ANKRD11: variants seen among roughly 807,000 people sequenced by gnomAD.
The protein encoded by ANKRD11 is ankyrin repeat domain 11.
In ANKRD11, 17 loss-of-function variants were observed where a neutral mutation model predicts 195.7. That is an observed-to-expected ratio of 0.09 (90% CI 0.06 to 0.13). The LOEUF (loss-of-function observed/expected upper bound fraction) is 0.13. ANKRD11 is among the 10% of genes least tolerant of loss of function. The pLI, the probability that ANKRD11 is intolerant of heterozygous loss-of-function variation, is 1.00. For missense variants in ANKRD11, 3,735 were observed against 3,566.1 expected (o/e 1.05, Z -1.21); for synonymous variants, 1,953 against 1,528.1 (o/e 1.28, Z -6.49).
intron 1 of ANKRD11, among the ~76,000 whole-genome samples, chr16:89,452,492 T>C (rs1322810069): frequency 1.3e-5 from 2 of 151,988 alleles, no homozygotes; most frequent in East Asian, 3.9e-4. Flanking sequence ...AGGACACAGC[T>C]GTTTACTTTT....
Position 89,275,200 on chromosome 16 carries a change from A to G in ANKRD11, c.7471-9T>C, listed in dbSNP as rs752186603. 5 of 1,600,792 alleles carry G rather than the reference A, an allele frequency of 3.1e-6. No individual in the cohort carries two copies. Among genetic ancestry groups the G allele is most frequent in the Non-Finnish European group, 4.3e-6 (5 of 1,174,258 alleles). ...GAGGGAGGGGGTGCGATCTACAGGC[A>G]AAAGGTGAGTGTGGGGGGTCAGCTG... is the stretch of plus-strand genomic sequence containing the variant. On this transcript the variant is annotated splice_polypyrimidine_tract_variant and intron_variant, in intron 9 of 12. Transcript: ENST00000301030.
At chr16:89,435,657 C>T (rs534189752) in intron 1 of ANKRD11, among the ~76,000 whole-genome samples, 5 of 152,010 alleles carry the variant, frequency 3.3e-5, no homozygotes, top group Non-Finnish European at 7.4e-5. Context: ...TCAGCGAGAC[C>T]GAGAACCCAC....
At chr16:89,325,357 G>C (rs1447709774) in intron 2 of ANKRD11, among the ~76,000 whole-genome samples, 1 of 152,078 alleles carries the variant, frequency 6.6e-6, no homozygotes, top group Non-Finnish European at 1.5e-5. Context: ...AGGATCACTT[G>C]AGCCCAGGAG....
chr16:89,293,516 A>G (rs373957803), intron 4 of ANKRD11, among the ~76,000 whole-genome samples: 7 of 125,190 alleles, frequency 5.6e-5, no homozygotes, highest in African/African-American at 1.9e-4. Context: ...CTGCAGAGCG[A>G]GGAGGCGGGG....
At position 89,282,660 on chromosome 16, in the gene ANKRD11, T is replaced by C. The variant is rs767436886; in HGVS notation, c.3882A>G (p.Glu1294=). Residue 1294 remains glutamate (E), a synonymous_variant, in exon 9 of 13, where the codon GAA becomes GAG. Transcript: ENST00000301030. ...LEEEALHEYR[E]DSNDKISEVS... ...CCTCGCTGATTTTATCGTTGGAGTC[T>C]TCTCTGTACTCATGGAGAGCCTCTT... 7 of 1,614,012 alleles carry C rather than the reference T, an allele frequency of 4.3e-6. No individual in the cohort carries two copies. The highest frequency in any genetic ancestry group is 5.9e-6 in the Non-Finnish European group (7 of 1,180,044).
At chr16:89,409,645 T>G (rs1460087817) in intron 2 of ANKRD11, among the ~76,000 whole-genome samples, 1 of 152,152 alleles carries the variant, frequency 6.6e-6, no homozygotes, top group African/African-American at 2.4e-5. Context: ...AAGATCCTGT[T>G]GTACCAAAAC....
intron 1 of ANKRD11, among the ~76,000 whole-genome samples, chr16:89,489,904 C>G (rs2057760626): frequency 1.4e-5 from 2 of 147,478 alleles, no homozygotes; most frequent in African/African-American, 5.0e-5. Context: ...CACCCAGGCC[C>G]GCCCGGAGCC....
At chr16:89,462,243 C>T (rs531754834) in intron 1 of ANKRD11, among the ~76,000 whole-genome samples, 5 of 152,364 alleles carry the variant, frequency 3.3e-5, no homozygotes, top group Admixed American at 3.3e-4. Context: ...CCACGCCTGA[C>T]TGGTTTTGGT....
chr16:89,424,204 C>CTT (rs1467439162), intron 1 of ANKRD11, among the ~76,000 whole-genome samples: 1 of 152,182 alleles, frequency 6.6e-6, no homozygotes, highest in Non-Finnish European at 1.5e-5. Flanking sequence ...AATCCCAGCA[C>CTT]TTTGAGTCAG....
chr16:89,278,207 G>C, intron 9 of ANKRD11: 1 of 318,808 alleles, frequency 3.1e-6, no homozygotes. Flanking sequence ...GAACAGGAGG[G>C]CAGGGGAGGC....
At chr16:89,348,424 T>C (rs2039046623) in intron 2 of ANKRD11, among the ~76,000 whole-genome samples, 1 of 152,186 alleles carries the variant, frequency 6.6e-6, no homozygotes, top group Non-Finnish European at 1.5e-5. Context: ...AGTATTAATG[T>C]GGGTGTTTCT....
At chr16:89,449,849 C>T (rs2043986775) in intron 1 of ANKRD11, among the ~76,000 whole-genome samples, 2 of 148,866 alleles carry the variant, frequency 1.3e-5, no homozygotes, top group South Asian at 4.3e-4. Flanking sequence ...TGCTCACATA[C>T]TGGCAACAGA....
intron 1 of ANKRD11, among the ~76,000 whole-genome samples, chr16:89,462,205 G>T (rs998067152): frequency 1.3e-5 from 2 of 152,150 alleles, no homozygotes; most frequent in Admixed American, 6.5e-5. Flanking sequence ...TCAGCCTGCC[G>T]AGTGCCTGCG....
At position 89,268,444 on chromosome 16, in the gene ANKRD11, G is replaced by A. The variant is rs1240272815; in HGVS notation, c.*34C>T. On this transcript the variant is annotated 3_prime_UTR_variant, in exon 13 of 13. Transcript: ENST00000301030. ...AGCAGCAGTCCTGGGCAGCCGTGCG[G>A]CCCTCGCCTGCGTCCTGCGGCCGTC... is the stretch of plus-strand genomic sequence containing the variant. The A allele has an allele frequency of 1.0e-6, 1 of 973,814 alleles. No homozygotes were observed. Among genetic ancestry groups the A allele is most frequent in the Non-Finnish European group, 1.5e-6 (1 of 661,096 alleles). 60.3% of individuals were successfully genotyped at this position (973,814 alleles called of 1,614,324 possible).
intron 2 of ANKRD11, among the ~76,000 whole-genome samples, chr16:89,350,221 A>C (rs2039145512): frequency 6.6e-6 from 1 of 152,248 alleles, no homozygotes; most frequent in African/African-American, 2.4e-5. Flanking sequence ...ATTCCCATTC[A>C]ACGCTGGTGG....
chr16:89,307,685 GC>G (rs755814039), intron 3 of ANKRD11, among the ~76,000 whole-genome samples: 209 of 152,394 alleles, frequency 1.4e-3, no homozygotes, highest in Non-Finnish European at 2.7e-3. Flanking sequence ...CCTGGCTGCA[GC>G]TCCACTGAGC....
intron 2 of ANKRD11, among the ~76,000 whole-genome samples, chr16:89,346,923 T>C (rs2038967535): frequency 6.6e-6 from 1 of 152,088 alleles, no homozygotes; most frequent in African/African-American, 2.4e-5. Context: ...AAATGACCTA[T>C]AAAATAGAGA....
chr16:89,371,071 G>A (rs1215762060), intron 2 of ANKRD11, among the ~76,000 whole-genome samples: 4 of 152,184 alleles, frequency 2.6e-5, no homozygotes, highest in Non-Finnish European at 4.4e-5. Context: ...TTGTTCAGGT[G>A]AGAAACGTTC....
intron 1 of ANKRD11, among the ~76,000 whole-genome samples, chr16:89,453,870 G>A (rs920444033): frequency 2.0e-5 from 3 of 152,176 alleles, no homozygotes; most frequent in Non-Finnish European, 4.4e-5. Context: ...AGGGTCCAGT[G>A]CTGGCGTCCA....
Sources: allele counts gnomAD v4.1 joint callset (sites outside exome capture counted in the v4.1 genomes callset), GRCh38; gene constraint gnomAD v4.1.1; transcripts MANE v1.5; gene names NCBI Gene and HGNC (gene_info 2026-07-23, HGNC 2026-07-21).